The following SUGCT variants were observed in gnomAD, a reference collection of about 807,000 sequenced individuals.
SUGCT encodes the protein succinyl-CoA:glutarate-CoA transferase.
SUGCT carries 41 observed loss-of-function variants against 55.0 expected under a neutral mutation model. That is an observed-to-expected ratio of 0.74 (90% confidence interval 0.58 to 0.97). The LOEUF is 0.97. Among genes scored for constraint, SUGCT ranks in the 50% least tolerant of loss-of-function variants. The probability of loss-of-function intolerance (pLI) is 0.00; values close to 1 mark genes in which losing one functional copy is unlikely to be tolerated. For missense variants in SUGCT, 568 were observed against 547.8 expected (o/e 1.04, Z -0.37); for synonymous variants, 187 against 200.4 (o/e 0.93, Z 0.56).
At chr7:40,607,179 A>G (rs1002444784) in intron 12 of SUGCT, among the ~76,000 whole-genome samples, 6 of 151,252 alleles carry the variant, frequency 4.0e-5, no homozygotes, top group Non-Finnish European at 7.4e-5. Context: ...ATTATAGCTC[A>G]CTACAGCCTC....
chr7:40,845,992 T>C (rs1319026214), intron 13 of SUGCT, among the ~76,000 whole-genome samples: 2 of 152,232 alleles, frequency 1.3e-5, no homozygotes, highest in Non-Finnish European at 2.9e-5. Flanking sequence ...AAGCACCTAC[T>C]ATAGCTCTGT....
intron 6 of SUGCT, among the ~76,000 whole-genome samples, chr7:40,198,992 C>CAA (rs548029146): frequency 7.7e-6 from 1 of 130,172 alleles, no homozygotes; most frequent in African/African-American, 2.8e-5. Context: ...GACTCCACCT[C>CAA]AAAAAAAAAA....
intron 12 of SUGCT, among the ~76,000 whole-genome samples, chr7:40,616,331 G>C (rs1799000085): frequency 6.6e-6 from 1 of 152,134 alleles, no homozygotes; most frequent in African/African-American, 2.4e-5. Context: ...AAGTAGCTGG[G>C]ATTACAGTTG....
intron 13 of SUGCT, among the ~76,000 whole-genome samples, chr7:40,794,774 A>AT (rs530681768): frequency 1.3e-5 from 2 of 151,978 alleles, no homozygotes; most frequent in Non-Finnish European, 2.9e-5. Flanking sequence ...GTATCCTAAC[A>AT]TTTTTTTAAT....
chr7:40,588,063 C>T (rs372590109), intron 12 of SUGCT, among the ~76,000 whole-genome samples: 39 of 151,814 alleles, frequency 2.6e-4, no homozygotes, highest in African/African-American at 6.3e-4. Flanking sequence ...CCACCATGCC[C>T]GGCTAATTTT....
intron 9 of SUGCT, among the ~76,000 whole-genome samples, chr7:40,368,781 T>A (rs1412647936): frequency 2.0e-5 from 3 of 152,138 alleles, no homozygotes; most frequent in Non-Finnish European, 4.4e-5. Flanking sequence ...CTTTTGAACA[T>A]GCAAGTTCCT....
chr7:41,006,691 C>T, the SUGCT span, among the ~76,000 whole-genome samples: 13 of 152,120 alleles, frequency 8.5e-5, no homozygotes, highest in African/African-American at 1.4e-4. Flanking sequence ...CTTAAGACAA[C>T]GATAAAGACT....
intron 9 of SUGCT, among the ~76,000 whole-genome samples, chr7:40,331,114 A>T (rs1394233266): frequency 6.6e-6 from 1 of 152,192 alleles, no homozygotes; most frequent in African/African-American, 2.4e-5. Flanking sequence ...AAGAAAATTC[A>T]TGAATTTATA....
intron 9 of SUGCT, among the ~76,000 whole-genome samples, chr7:40,380,231 G>A (rs1784803079): frequency 6.6e-6 from 1 of 152,190 alleles, no homozygotes; most frequent in Non-Finnish European, 1.5e-5. Context: ...CAAGGCTAGT[G>A]CATAGCTGGG....
At chr7:40,257,460 A>G (rs1790885797) in intron 7 of SUGCT, among the ~76,000 whole-genome samples, 1 of 152,188 alleles carries the variant, frequency 6.6e-6, no homozygotes, top group Admixed American at 6.5e-5. Flanking sequence ...ACATCAACAA[A>G]CTGAAAACAT....
chr7:40,767,877 C>T (rs888973919), intron 13 of SUGCT, among the ~76,000 whole-genome samples: 3 of 152,102 alleles, frequency 2.0e-5, no homozygotes, highest in Non-Finnish European at 2.9e-5. Flanking sequence ...ATTGATTTTC[C>T]CATATCCTGG....
chr7:40,478,402 C>T (rs962033400), intron 11 of SUGCT, among the ~76,000 whole-genome samples: 20 of 152,036 alleles, frequency 1.3e-4, no homozygotes, highest in African/African-American at 4.6e-4. Flanking sequence ...ACGAAACTTG[C>T]GCGAGGTAGG....
At chr7:40,587,131 T>G (rs532050297) in intron 12 of SUGCT, among the ~76,000 whole-genome samples, 1 of 152,342 alleles carries the variant, frequency 6.6e-6, no homozygotes, top group South Asian at 2.1e-4. Flanking sequence ...TGCCAGGAGC[T>G]GGCAGTGAAA....
At chr7:40,350,277 CTTATTTA>C (rs1344720615) in intron 9 of SUGCT, among the ~76,000 whole-genome samples, 1 of 137,120 alleles carries the variant, frequency 7.3e-6, no homozygotes, top group East Asian at 2.2e-4. Flanking sequence ...ATTACTATAT[CTTATTTA>C]TTTATTTATT....
At chr7:40,193,582 G>T (rs1272515159) in intron 5 of SUGCT, among the ~76,000 whole-genome samples, 1 of 151,270 alleles carries the variant, frequency 6.6e-6, no homozygotes, top group African/African-American at 2.4e-5. Flanking sequence ...CACTATGCCC[G>T]GCCAATTTAT....
At chr7:40,155,922 A>G (rs1023761698) in intron 1 of SUGCT, among the ~76,000 whole-genome samples, 13 of 151,340 alleles carry the variant, frequency 8.6e-5, no homozygotes, top group Non-Finnish European at 1.6e-4. Flanking sequence ...CAGCGGCACA[A>G]TCCTGGCTCA....
intron 7 of SUGCT, among the ~76,000 whole-genome samples, chr7:40,259,883 C>G (rs1267222855): frequency 1.3e-5 from 2 of 152,184 alleles, no homozygotes; most frequent in African/African-American, 4.8e-5. Flanking sequence ...GCTTCACTTT[C>G]CCTGCTACTG....
chr7:40,363,872 A>G (rs1583514292), intron 9 of SUGCT, among the ~76,000 whole-genome samples: 1 of 152,202 alleles, frequency 6.6e-6, no homozygotes, highest in East Asian at 1.9e-4. Context: ...TATCCTTGTT[A>G]ACTTTCTGTC....
At chr7:40,951,415 T>C in the SUGCT span, among the ~76,000 whole-genome samples, 1 of 152,162 alleles carries the variant, frequency 6.6e-6, no homozygotes, top group Non-Finnish European at 1.5e-5. Flanking sequence ...AGCTCCCAGA[T>C]TCATTGATTT....
Sources: allele counts gnomAD v4.1 joint callset (sites outside exome capture counted in the v4.1 genomes callset), GRCh38; gene constraint gnomAD v4.1.1; transcripts MANE v1.5; gene names NCBI Gene and HGNC (gene_info 2026-07-23, HGNC 2026-07-21).